The following SFMBT1 variants were observed in gnomAD, a reference collection of about 807,000 sequenced individuals.
The protein encoded by SFMBT1 is scm-like with four MBT domains protein 1.
A neutral mutation model predicts 108.7 loss-of-function variants in SFMBT1; 32 were observed. The ratio of observed to expected loss-of-function variants is 0.29; its 90% CI spans 0.22 to 0.40. The LOEUF is 0.40. SFMBT1 is among the 10% of genes least tolerant of loss of function. The probability of loss-of-function intolerance (pLI) is 1.00; values close to 1 mark genes in which losing one functional copy is unlikely to be tolerated. For synonymous variants in SFMBT1, 348 were observed against 369.5 expected, an observed-to-expected ratio of 0.94 and a Z score of 0.67; for missense variants, 816 against 1,059.6, an observed-to-expected ratio of 0.77 and a Z score of 3.19.
intron 1 of SFMBT1, among the ~76,000 whole-genome samples, chr3:52,989,561 G>C (rs1313606626): frequency 6.6e-6 from 1 of 152,064 alleles, no homozygotes; most frequent in African/African-American, 2.4e-5. Flanking sequence ...AACACTTTGG[G>C]AGGCTGAAGT....
chr3:52,943,660 CT>C, intron 3 of SFMBT1, 67 bp from the exon 4 acceptor site: 3 of 1,599,110 alleles, frequency 1.9e-6, no homozygotes, highest in Non-Finnish European at 2.6e-6. Context: ...GACCAATGTT[CT>C]TTTTTAAGAC....
chr3:52,920,530 C>T lies in SFMBT1; in HGVS notation c.1372+7G>A. 6.2e-7 allele frequency: 1 copy of T among 1,605,168 alleles called. No individual in the cohort carries two copies. Among genetic ancestry groups the T allele is most frequent in the South Asian group, 1.1e-5 (1 of 90,782 alleles). The stretch of plus-strand genomic sequence containing the variant: ...ATCAATCCTCTAACCCAGAAATAGA[C>T]AGATACCTCGTGCTCGGCGAGGAGT... On this transcript the variant is annotated splice_region_variant and intron_variant, in intron 12 of 20. Transcript: ENST00000394752.
At chr3:53,009,263 A>G (rs2106925590) in intron 1 of SFMBT1, among the ~76,000 whole-genome samples, 1 of 152,034 alleles carries the variant, frequency 6.6e-6, no homozygotes, top group East Asian at 2.0e-4. Context: ...CCAGGCCAAC[A>G]TGGTAAAACC....
chr3:52,918,524 A>G lies in SFMBT1; in HGVS notation c.1375T>C (p.Tyr459His), dbSNP rs1160224426. 5 of 1,548,382 alleles carry G rather than the reference A, an allele frequency of 3.2e-6. No individual in the cohort carries two copies. In the Admixed American group the frequency reaches 1.1e-4, roughly 34 times the overall value. The change falls in exon 13 of 21, where the codon TAT (tyrosine) becomes CAT (histidine). Residue 459 changes from tyrosine to histidine, a missense_variant and splice_region_variant. By Grantham distance (83) the Tyr-to-His change is moderately conservative. Transcript: ENST00000394752. Reference sequence around the variant, plus strand: ...ACCACTGCAATTTTCCTCTGTTTATATACTGTAGAAAGAAAAAAATATATA... The same window carrying G: ...ACCACTGCAATTTTCCTCTGTTTATGTACTGTAGAAAGAAAAAAATATATA... ...PLSTPRRARV[Y>H]KQRKIAVVQP...
chr3:52,917,284 T>C (rs1158577682), intron 13 of SFMBT1, among the ~76,000 whole-genome samples: 1 of 152,204 alleles, frequency 6.6e-6, no homozygotes, highest in Non-Finnish European at 1.5e-5. Flanking sequence ...TAGTGCTCAG[T>C]GTAACTGTAT....
rs191429789 is a variant in SFMBT1 at position 53,029,080 on chromosome 3, G to A, written c.-131+16736C>T. Among the ~76,000 whole-genome samples, 728 of 151,516 alleles carry A rather than the reference G, an allele frequency of 4.8e-3. 2 individuals are homozygous for A. The highest frequency in any genetic ancestry group is 7.8e-3 in the Non-Finnish European group (529 of 67,954). ...CCCAGCTACTCGGGAGGCTGAGGCA[G>A]GAGAATGGCATGAACCCGGGAGGCG... On this transcript the variant is annotated intron_variant, in intron 1 of 20. Transcript: ENST00000394752.
intron 1 of SFMBT1, among the ~76,000 whole-genome samples, chr3:53,015,597 G>A (rs956238051): frequency 6.6e-6 from 1 of 152,088 alleles, no homozygotes; most frequent in East Asian, 1.9e-4. Context: ...ACTATTATCT[G>A]GTAATAAAAA....
At chr3:52,927,207 A>G (rs551305211) in intron 9 of SFMBT1, among the ~76,000 whole-genome samples, 2 of 152,232 alleles carry the variant, frequency 1.3e-5, no homozygotes, top group African/African-American at 4.8e-5. Context: ...TCACTGATGG[A>G]GGAGACTCTA....
intron 3 of SFMBT1, among the ~76,000 whole-genome samples, chr3:52,946,382 A>G (rs1198122098): frequency 1.3e-5 from 2 of 152,226 alleles, no homozygotes; most frequent in Non-Finnish European, 2.9e-5. Context: ...TCACTATCCT[A>G]AACACTATGG....
chr3:53,026,387 T>C (rs137994767), intron 1 of SFMBT1, among the ~76,000 whole-genome samples: 1,564 of 152,314 alleles, frequency 0.01, 25 homozygotes, highest in African/African-American at 0.036. Flanking sequence ...AAGGAAAGAT[T>C]CTAAAAACAC....
intron 1 of SFMBT1, among the ~76,000 whole-genome samples, chr3:52,983,349 CAT>C (rs1704787213): frequency 6.6e-6 from 1 of 152,096 alleles, no homozygotes; most frequent in Admixed American, 6.6e-5. Context: ...TAATATATAA[CAT>C]ATAAAATACG....
intron 1 of SFMBT1, among the ~76,000 whole-genome samples, chr3:53,013,924 C>T (rs977981649): frequency 2.6e-5 from 4 of 152,178 alleles, no homozygotes; most frequent in Middle Eastern, 6.8e-3. Flanking sequence ...CCACTGCTCC[C>T]GGCCAAGAAT....
chr3:52,956,888 G>A (rs1373351812), intron 2 of SFMBT1, among the ~76,000 whole-genome samples: 3 of 152,160 alleles, frequency 2.0e-5, no homozygotes, highest in Non-Finnish European at 2.9e-5. Flanking sequence ...GGCAAAAGCT[G>A]GAGGCATTCC....
intron 1 of SFMBT1, among the ~76,000 whole-genome samples, chr3:53,010,734 T>C (rs1698913929): frequency 6.6e-6 from 1 of 152,168 alleles, no homozygotes; most frequent in East Asian, 1.9e-4. Context: ...ATATAGAACT[T>C]AACTTATAAA....
intron 5 of SFMBT1, 43 bp downstream of exon 5, chr3:52,934,770 C>T: frequency 1.3e-6 from 2 of 1,499,376 alleles, no homozygotes; most frequent in Non-Finnish European, 1.8e-6. Flanking sequence ...TTTGAAAGAT[C>T]AGATGGGTTT....
chr3:53,014,976 T>A (rs542976244), intron 1 of SFMBT1, among the ~76,000 whole-genome samples: 77 of 152,240 alleles, frequency 5.1e-4, no homozygotes, highest in Middle Eastern at 3.4e-3. Context: ...TCCCAGCACT[T>A]TGGGAGGCTG....
chr3:52,951,385 A>G (rs965199071), intron 3 of SFMBT1, among the ~76,000 whole-genome samples: 4 of 151,978 alleles, frequency 2.6e-5, no homozygotes, highest in Non-Finnish European at 4.4e-5. Context: ...TGTCACCAGT[A>G]GACCTGTCTT....
chr3:53,009,671 A>G (rs928484562), intron 1 of SFMBT1, among the ~76,000 whole-genome samples: 4 of 152,186 alleles, frequency 2.6e-5, no homozygotes, highest in Non-Finnish European at 5.9e-5. Flanking sequence ...ACAGGAAAAA[A>G]TCTGCATGTA....
chr3:53,031,119 T>C (rs1046778323), intron 1 of SFMBT1, among the ~76,000 whole-genome samples: 5 of 152,338 alleles, frequency 3.3e-5, no homozygotes, highest in South Asian at 4.1e-4. Flanking sequence ...ACTCCTCATA[T>C]AGATACAGCC....
Sources: gnomAD v4.1 joint callset for allele counts (sites outside exome capture counted in the v4.1 genomes callset) on GRCh38, gnomAD v4.1.1 for gene constraint, MANE v1.5 for transcripts, NCBI Gene and HGNC (gene_info 2026-07-23, HGNC 2026-07-21) for gene names.